Variants in CNOT4 observed in about 807,000 individuals in gnomAD.
CNOT4 encodes the protein CCR4-associated factor 4.
CNOT4 carries 8 observed loss-of-function variants against 73.8 expected under a neutral mutation model. That is an observed-to-expected ratio of 0.11 (90% CI 0.06 to 0.20). The LOEUF (loss-of-function observed/expected upper bound fraction) is 0.20. Ranked by LOEUF, CNOT4 falls within the 10% of genes least tolerant of loss-of-function variation. CNOT4 has a pLI of 1.00. For missense variants in CNOT4, 564 were observed against 883.4 expected, an observed-to-expected ratio of 0.64 and a Z score of 4.58; for synonymous variants, 293 against 321.1, an observed-to-expected ratio of 0.91 and a Z score of 0.94.
Position 135,362,843 on chromosome 7 carries a change from G to T in CNOT4, c.*42C>A. On this transcript the variant is annotated 3_prime_UTR_variant, in exon 12 of 12. Coordinates refer to ENST00000541284, the MANE Select transcript of CNOT4 (RefSeq NM_001190850.2). ...GGTGGGCTGAGAGGGAGAAAACAGA[G>T]TGGGACAAATCCTGCATTTTCTAAT... 1 of 1,553,440 alleles carries T rather than the reference G, an allele frequency of 6.4e-7. No homozygotes were observed. The highest frequency in any genetic ancestry group is 8.9e-7 in the Non-Finnish European group (1 of 1,124,680).
rs1052967812 is a variant in CNOT4 at position 135,364,222 on chromosome 7, G to A, written c.1628-156C>T. On this transcript the variant is annotated intron_variant, in intron 10 of 11. Transcript: ENST00000541284. The surrounding 1 kb of genome is among the most constrained non-coding windows in gnomAD (Gnocchi z 4.3). ...GTCCTAGCAAGATAAACTTGGTTAG[G>A]ATTTTGCTCGTGAGCTCAGAGCCCC... Among the ~76,000 whole-genome samples, 12 of 152,340 alleles carry A rather than the reference G, an allele frequency of 7.9e-5. No homozygotes were observed. The Middle Eastern group carries it at 0.01, about 130-fold the overall frequency.
chr7:135,367,185 G>A (rs1348090576), intron 10 of CNOT4, among the ~76,000 whole-genome samples: 2 of 152,094 alleles, frequency 1.3e-5, no homozygotes, highest in African/African-American at 4.8e-5. Context: ...ATTGTATCCA[G>A]TTGAGAACCA....
At chr7:135,416,577 G>C (rs750028682) in intron 3 of CNOT4, among the ~76,000 whole-genome samples, 4 of 152,112 alleles carry the variant, frequency 2.6e-5, no homozygotes, top group African/African-American at 4.8e-5. Context: ...GTTTGAAAAA[G>C]CTTTCTGGCT....
At chr7:135,447,929 GA>G (rs1247758310) in intron 1 of CNOT4, among the ~76,000 whole-genome samples, 1 of 152,168 alleles carries the variant, frequency 6.6e-6, no homozygotes, top group Non-Finnish European at 1.5e-5. Flanking sequence ...TAGTCAGCCA[GA>G]AATCAGTGGA....
chr7:135,387,995 G>A (rs1312889770), intron 10 of CNOT4: 1 of 983,602 alleles, frequency 1.0e-6, no homozygotes, highest in East Asian at 1.1e-4. Flanking sequence ...CAGTAACAAT[G>A]TTACACTACT....
At chr7:135,503,582 C>T (rs372856506) in intron 1 of CNOT4, among the ~76,000 whole-genome samples, 1 of 152,096 alleles carries the variant, frequency 6.6e-6, no homozygotes, top group East Asian at 1.9e-4. Flanking sequence ...TTTAAAAATA[C>T]CAAAAGTTCC....
intron 1 of CNOT4, among the ~76,000 whole-genome samples, chr7:135,487,872 T>G (rs1263476807): frequency 2.6e-5 from 4 of 151,998 alleles, no homozygotes; most frequent in African/African-American, 9.7e-5. Context: ...GCTAACACGG[T>G]GAAACCTCGT....
At chr7:135,495,161 C>A (rs1803382356) in intron 1 of CNOT4, among the ~76,000 whole-genome samples, 1 of 152,122 alleles carries the variant, frequency 6.6e-6, no homozygotes, top group African/African-American at 2.4e-5. Context: ...AATACATATT[C>A]CCTATTATGA....
rs529751550 is a variant in CNOT4 at position 135,395,975 on chromosome 7, G to C, written c.880-92C>G. Reference sequence around the variant, plus strand: ...GTTTGCAACTAAATGTATTAGAATAGTGTTTCACAAACTGGTACTTGAAGA... The same window carrying C: ...GTTTGCAACTAAATGTATTAGAATACTGTTTCACAAACTGGTACTTGAAGA... On this transcript the variant is annotated intron_variant, in intron 8 of 11. Coordinates refer to ENST00000541284, the MANE Select transcript of CNOT4 (RefSeq NM_001190850.2). 2.1e-4 allele frequency: 167 copies of C among 795,652 alleles called. 1 individual carries two copies. In the South Asian group the frequency reaches 2.8e-3, roughly 13 times the overall value. The allele number at this position is 795,652 out of a possible 1,614,324, so 49.3% of individuals were successfully genotyped here.
chr7:135,438,507 T>A, intron 1 of CNOT4, 84 bp from the exon 2 acceptor site: 1 of 422,074 alleles, frequency 2.4e-6, no homozygotes, highest in Non-Finnish European at 4.1e-6. Context: ...TCAAAAAATT[T>A]GAAAAATACT....
intron 1 of CNOT4, among the ~76,000 whole-genome samples, chr7:135,504,217 T>TTTAG (rs1804186021): frequency 6.6e-6 from 1 of 152,192 alleles, no homozygotes; most frequent in Non-Finnish European, 1.5e-5. Context: ...TCAGTCTAAT[T>TTTAG]GCTTTTCAAA....
chr7:135,470,244 C>G (rs1250486529), intron 1 of CNOT4, among the ~76,000 whole-genome samples: 1 of 151,994 alleles, frequency 6.6e-6, no homozygotes, highest in Non-Finnish European at 1.5e-5. Context: ...ATCCTCCCAC[C>G]TCAGCCTCCT....
intron 1 of CNOT4, among the ~76,000 whole-genome samples, chr7:135,489,274 T>C (rs922409047): frequency 3.3e-5 from 5 of 151,988 alleles, no homozygotes; most frequent in Non-Finnish European, 7.4e-5. Context: ...ATATAATCTA[T>C]ATTTTAAAAT....
intron 8 of CNOT4, among the ~76,000 whole-genome samples, chr7:135,396,737 T>C (rs1414601121): frequency 6.6e-6 from 1 of 152,162 alleles, no homozygotes; most frequent in Non-Finnish European, 1.5e-5. Context: ...CCTCCTTCCA[T>C]CTACCTATTT....
At chr7:135,473,040 C>CA (rs56311752) in intron 1 of CNOT4, among the ~76,000 whole-genome samples, 230 of 122,542 alleles carry the variant, frequency 1.9e-3, no homozygotes, top group African/African-American at 4.2e-3. Flanking sequence ...GACTCTGTCT[C>CA]AAAAAAAAAA....
chr7:135,486,686 A>G (rs1161381798), intron 1 of CNOT4, among the ~76,000 whole-genome samples: 1 of 152,252 alleles, frequency 6.6e-6, no homozygotes, highest in Non-Finnish European at 1.5e-5. Flanking sequence ...AAACTGTGGT[A>G]TACCCACACC....
At position 135,362,083 on chromosome 7, in the gene CNOT4, AGAG is replaced by A. The variant is rs1286266759; in HGVS notation, c.*799_*801del. The A allele has an allele frequency of 1.3e-5, 2 of 152,628 alleles. No homozygotes were observed. Among genetic ancestry groups the A allele is most frequent in the Non-Finnish European group, 2.9e-5 (2 of 68,134 alleles). The allele number at this position is 152,628 out of a possible 1,614,324, so 9.5% of individuals were successfully genotyped here. A position where few individuals can be genotyped will look rare whatever the true frequency, so the allele number is the denominator to read the frequency against. ...ATGGTAAAACAAAAAAGATTCCGACAGAGGAGAAGGACTGAAGAAATGACTTAC... is the reference window on the plus strand; with the variant it reads ...ATGGTAAAACAAAAAAGATTCCGACAGAGAAGGACTGAAGAAATGACTTAC... On this transcript the variant is annotated 3_prime_UTR_variant, in exon 12 of 12. Coordinates refer to ENST00000541284, the MANE Select transcript of CNOT4 (RefSeq NM_001190850.2).
intron 8 of CNOT4, 85 bp downstream of exon 8, chr7:135,398,083 AG>A: frequency 1.3e-6 from 1 of 751,602 alleles, no homozygotes; most frequent in South Asian, 1.5e-5. Flanking sequence ...GTGTCAGTAA[AG>A]TATTTTTAGA....
At chr7:135,483,674 A>G (rs1466223106) in intron 1 of CNOT4, among the ~76,000 whole-genome samples, 4 of 152,008 alleles carry the variant, frequency 2.6e-5, no homozygotes, top group Non-Finnish European at 5.9e-5. Flanking sequence ...AAATACAAAA[A>G]TTAGCCGGAC....
Sources: gnomAD v4.1 joint callset for allele counts (sites outside exome capture counted in the v4.1 genomes callset) on GRCh38, gnomAD v4.1.1 for gene constraint, Gnocchi (gnomAD v3.1) non-coding constraint, MANE v1.5 for transcripts, NCBI Gene and HGNC (gene_info 2026-07-23, HGNC 2026-07-21) for gene names.